Variants in TEX9 observed in about 807,000 individuals in gnomAD.
The protein encoded by TEX9 is testis expressed 9.
A neutral mutation model predicts 59.6 loss-of-function variants in TEX9; 74 were observed. The observed-to-expected ratio is 1.24, with a 90% confidence interval of 1.03 to 1.51. TEX9 has a LOEUF of 1.51. Ranked by LOEUF, TEX9 falls within the 40% of genes most tolerant of loss-of-function variation. The probability of loss-of-function intolerance (pLI) is 0.00; values close to 1 mark genes in which losing one functional copy is unlikely to be tolerated. For missense variants in TEX9, 522 were observed against 447.8 expected (o/e 1.17, Z -1.49); for synonymous variants, 186 against 152.2 (o/e 1.22, Z -1.64).
At chr15:56,450,014 C>T (rs2050937516), downstream of TEX9, among the ~76,000 whole-genome samples, 1 of 152,020 alleles carries the variant, frequency 6.6e-6, no homozygotes, top group African/African-American at 2.4e-5. Flanking sequence ...TTTATTTGTT[C>T]TACTTTATGT....
intron 1 of TEX9, among the ~76,000 whole-genome samples, chr15:56,299,786 C>G (rs2045298971): frequency 6.6e-6 from 1 of 152,078 alleles, no homozygotes; most frequent in African/African-American, 2.4e-5. Flanking sequence ...ACGCCCTGAG[C>G]CAGAAGAGAA....
intron 1 of TEX9, among the ~76,000 whole-genome samples, chr15:56,293,241 A>G (rs142499596): frequency 3.4e-4 from 52 of 152,190 alleles, no homozygotes; most frequent in African/African-American, 9.6e-4. Context: ...GGAGGTTGAG[A>G]AGGGAGGACC....
At chr15:56,386,329 C>G (rs1415445954) in intron 4 of TEX9, among the ~76,000 whole-genome samples, 1 of 151,646 alleles carries the variant, frequency 6.6e-6, no homozygotes, top group African/African-American at 2.4e-5. Context: ...GGTGGAAATA[C>G]TCTCTGTCTT....
At chr15:56,276,410 T>C (rs1347723238) in intron 1 of TEX9, among the ~76,000 whole-genome samples, 1 of 152,194 alleles carries the variant, frequency 6.6e-6, no homozygotes, top group Non-Finnish European at 1.5e-5. Context: ...CTCCCACTTA[T>C]GAGTGAGAAC....
Position 56,412,332 on chromosome 15 carries a change from C to T in TEX9, c.859C>T (p.Gln287Ter), listed in dbSNP as rs779463317. Residue 287 changes from glutamine (Q) to a stop codon, truncating the protein, a stop_gained, in exon 10 of 13, where the codon CAG (glutamine) becomes TAG (stop). Transcript: ENST00000352903. LOFTEE classifies it high-confidence loss of function. Reference sequence around the variant, plus strand: ...AGAAAATAAAAGAAGACTGCAAAAACAGGCTGCAAGTAGTCAAAGTGCCAC... The same window carrying T: ...AGAAAATAAAAGAAGACTGCAAAAATAGGCTGCAAGTAGTCAAAGTGCCAC... 4.3e-6 allele frequency: 7 copies of T among 1,612,036 alleles called. No individual in the cohort carries two copies. The South Asian group carries it at 7.7e-5, about 18-fold the overall frequency.
chr15:56,444,592 G>T (rs139643304), intron 12 of TEX9: 198 of 1,612,182 alleles, frequency 1.2e-4, no homozygotes, highest in East Asian at 2.5e-4. Flanking sequence ...GCTTTGTTTC[G>T]TTTGTCTTCT....
At chr15:56,391,165 C>A (rs971935921) in intron 6 of TEX9, 78 bp from the exon 7 acceptor site, 2 of 859,396 alleles carry the variant, frequency 2.3e-6, no homozygotes, top group Non-Finnish European at 3.3e-6. Flanking sequence ...GGGTAAAAGG[C>A]ATATATCCTG....
chr15:56,358,783 A>C (rs2046735928), intron 1 of TEX9, among the ~76,000 whole-genome samples: 1 of 152,110 alleles, frequency 6.6e-6, no homozygotes, highest in Non-Finnish European at 1.5e-5. Context: ...AGGTGATTGA[A>C]TCATGGGAGT....
At chr15:56,246,163 A>T (rs1011696264) in intron 1 of TEX9, among the ~76,000 whole-genome samples, 2 of 152,192 alleles carry the variant, frequency 1.3e-5, no homozygotes, top group East Asian at 3.8e-4. Context: ...GGGTTCCATA[A>T]AAGAGCCAGG....
At chr15:56,418,412 G>A (rs1346861129) in intron 10 of TEX9, among the ~76,000 whole-genome samples, 1 of 151,182 alleles carries the variant, frequency 6.6e-6, no homozygotes, top group African/African-American at 2.4e-5. Context: ...ATCTGAAGAG[G>A]ATCTTATTTC....
rs918312332 is a variant in TEX9 at position 56,369,899 on chromosome 15, A to G, written c.120-3542A>G. The stretch of plus-strand genomic sequence containing the variant: ...TAATTATAGTTTAAAAAAATTCCTT[A>G]TAATGTGGCCATTTTTGTTTGGGAA... On this transcript the variant is annotated intron_variant, in intron 2 of 12. Coordinates refer to ENST00000352903, the Ensembl canonical transcript of TEX9. Among the ~76,000 whole-genome samples, 8 of 152,254 alleles carry G rather than the reference A, an allele frequency of 5.3e-5. No individual in the cohort carries two copies. The East Asian group carries it at 1.5e-3, about 29-fold the overall frequency.
At chr15:56,445,941 G>C (rs1193492348), downstream of TEX9, 1 of 152,032 alleles carries the variant, frequency 6.6e-6, no homozygotes, top group Non-Finnish European at 1.5e-5. Context: ...AGCAAATGAA[G>C]TCTCTCCACC....
intron 1 of TEX9, among the ~76,000 whole-genome samples, chr15:56,284,582 A>G (rs1429481875): frequency 2.0e-5 from 3 of 152,116 alleles, no homozygotes; most frequent in African/African-American, 7.2e-5. Flanking sequence ...TAGGAATGAG[A>G]CTGGAAGGAA....
chr15:56,460,009 A>AAATATATATATATATAT, the TEX9 span, among the ~76,000 whole-genome samples: 2 of 26,406 alleles, frequency 7.6e-5, no homozygotes, highest in African/African-American at 3.0e-4. Flanking sequence ...AAAAAAAAAA[A>AAATATATATATATATAT]ATACATATAT....
chr15:56,266,598 T>C (rs1296228767), intron 1 of TEX9, among the ~76,000 whole-genome samples: 2 of 152,048 alleles, frequency 1.3e-5, no homozygotes, highest in African/African-American at 4.8e-5. Flanking sequence ...GTCCTTGTGA[T>C]ACTTTGCTCA....
intron 1 of TEX9, among the ~76,000 whole-genome samples, chr15:56,289,430 G>C (rs1181956322): frequency 2.0e-5 from 3 of 152,204 alleles, no homozygotes; most frequent in Non-Finnish European, 4.4e-5. Flanking sequence ...TTGCTGGGTA[G>C]GGTGCAGCAG....
At chr15:56,315,510 C>T (rs1471658246) in intron 1 of TEX9, among the ~76,000 whole-genome samples, 4 of 150,424 alleles carry the variant, frequency 2.7e-5, no homozygotes, top group South Asian at 2.1e-4. Context: ...GGGTTTCTGC[C>T]GAGAGATCCG....
intron 2 of TEX9, among the ~76,000 whole-genome samples, chr15:56,366,639 T>C (rs2046959241): frequency 6.6e-6 from 1 of 152,238 alleles, no homozygotes; most frequent in Non-Finnish European, 1.5e-5. Context: ...GATGTCTGTT[T>C]TATTTGCCAT....
intron 1 of TEX9, among the ~76,000 whole-genome samples, chr15:56,282,855 G>T (rs1299383968): frequency 6.6e-6 from 1 of 152,052 alleles, no homozygotes; most frequent in Non-Finnish European, 1.5e-5. Flanking sequence ...TACAATTCCA[G>T]ACAAAACTTT....
Sources: gnomAD v4.1 joint callset for allele counts (sites outside exome capture counted in the v4.1 genomes callset) on GRCh38, gnomAD v4.1.1 for gene constraint, MANE v1.5 for transcripts, NCBI Gene and HGNC (gene_info 2026-07-23, HGNC 2026-07-21) for gene names.